FTCDNL1: variants seen among roughly 807,000 people sequenced by gnomAD.
FTCDNL1 encodes the protein formiminotransferase N-terminal subdomain-containing protein.
FTCDNL1 carries 11 observed loss-of-function variants against 5.9 expected under a neutral mutation model. That is an observed-to-expected ratio of 1.87 (90% CI 1.18 to 3.10). FTCDNL1 has a LOEUF of 3.10. Ranked by LOEUF, FTCDNL1 falls within the 30% of genes most tolerant of loss-of-function variation. FTCDNL1 has a pLI of 0.00. For synonymous variants in FTCDNL1, 58 were observed against 24.8 expected, an observed-to-expected ratio of 2.34 and a Z score of -3.99; for missense variants, 115 against 65.5, an observed-to-expected ratio of 1.76 and a Z score of -2.61.
At chr2:199,675,368 A>G in the FTCDNL1 span, among the ~76,000 whole-genome samples, 1 of 152,186 alleles carries the variant, frequency 6.6e-6, no homozygotes, top group Admixed American at 6.5e-5. Context: ...ATCATAGTAT[A>G]TAAGATATTA....
At chr2:199,768,873 G>C (rs529824477) in intron 3 of FTCDNL1, among the ~76,000 whole-genome samples, 2 of 152,106 alleles carry the variant, frequency 1.3e-5, no homozygotes, top group African/African-American at 4.8e-5. Context: ...ATTTAAGTTT[G>C]TCTCTCCACA....
chr2:199,713,634 A>T, the FTCDNL1 span, among the ~76,000 whole-genome samples: 5 of 152,240 alleles, frequency 3.3e-5, no homozygotes, highest in Non-Finnish European at 5.9e-5. Flanking sequence ...AATCATTGTC[A>T]ATTGTTAGTG....
chr2:199,775,335 CCA>C (rs1699005953), intron 3 of FTCDNL1, among the ~76,000 whole-genome samples: 1 of 152,170 alleles, frequency 6.6e-6, no homozygotes, highest in Admixed American at 6.6e-5. Context: ...AGCCAATCCC[CCA>C]CAGACTTCTT....
At chr2:199,683,836 T>C in the FTCDNL1 span, among the ~76,000 whole-genome samples, 1 of 152,180 alleles carries the variant, frequency 6.6e-6, no homozygotes, top group East Asian at 1.9e-4. Context: ...TCACCTTGTC[T>C]ATGTCAGTTT....
In FTCDNL1 at chr2:199,824,540, T is replaced by C. The variant is rs547607768; in HGVS notation, c.212-4783A>G. ...GGCACAAGAGGCCTAGCTATTGACC[T>C]ATCTCAGCTTTCAACATGCCTTCTT... On this transcript the variant is annotated intron_variant, in intron 3 of 4. Coordinates refer to ENST00000420128, the MANE Select transcript of FTCDNL1 (RefSeq NM_001363886.2). Among the ~76,000 whole-genome samples the C allele has an allele frequency of 3.3e-5, 5 of 152,348 alleles. No individual in the cohort carries two copies. In the East Asian group the frequency reaches 9.6e-4, roughly 29 times the overall value.
intron 3 of FTCDNL1, among the ~76,000 whole-genome samples, chr2:199,841,544 T>C (rs923695879): frequency 3.9e-5 from 6 of 152,190 alleles, no homozygotes; most frequent in African/African-American, 1.4e-4. Flanking sequence ...TTTGGACCAA[T>C]AGTTAGTGGT....
At chr2:199,836,138 T>C (rs1702720017) in intron 3 of FTCDNL1, among the ~76,000 whole-genome samples, 1 of 152,126 alleles carries the variant, frequency 6.6e-6, no homozygotes, top group Non-Finnish European at 1.5e-5. Flanking sequence ...TATAAGACAT[T>C]TATTCTTGTT....
chr2:199,819,035 T>A (rs1701522046), intron 4 of FTCDNL1: 1 of 152,648 alleles, frequency 6.6e-6, no homozygotes, highest in African/African-American at 2.4e-5. Flanking sequence ...ATAGTTTCTT[T>A]TTCCAGTCTT....
chr2:199,806,479 TG>T (rs1406886719), downstream of FTCDNL1, among the ~76,000 whole-genome samples: 1 of 152,176 alleles, frequency 6.6e-6, no homozygotes, highest in Non-Finnish European at 1.5e-5. Context: ...GAAACAAAAC[TG>T]TATATCAAGC....
At chr2:199,706,454 A>C in the FTCDNL1 span, among the ~76,000 whole-genome samples, 1 of 152,202 alleles carries the variant, frequency 6.6e-6, no homozygotes, top group Non-Finnish European at 1.5e-5. Flanking sequence ...TGCTGGTTCA[A>C]GGTAGGCCAA....
the FTCDNL1 span, among the ~76,000 whole-genome samples, chr2:199,682,162 G>C: frequency 2.6e-5 from 4 of 152,162 alleles, 1 homozygote; most frequent in Admixed American, 2.6e-4. Context: ...AGTGGACTTA[G>C]AGCAAAGCAG....
chr2:199,797,180 T>C (rs1237764518), intron 3 of FTCDNL1, among the ~76,000 whole-genome samples: 1 of 152,214 alleles, frequency 6.6e-6, no homozygotes, highest in Non-Finnish European at 1.5e-5. Context: ...ACACTTTCAA[T>C]TTCATTTTCA....
intron 3 of FTCDNL1, among the ~76,000 whole-genome samples, chr2:199,839,375 G>T (rs1195652890): frequency 1.3e-5 from 2 of 152,170 alleles, no homozygotes. Flanking sequence ...GGAAGGCTGG[G>T]ACAGCAAGTA....
At chr2:199,720,081 A>G in the FTCDNL1 span, among the ~76,000 whole-genome samples, 2 of 152,150 alleles carry the variant, frequency 1.3e-5, no homozygotes, top group African/African-American at 4.8e-5. Flanking sequence ...TGGTGTATAG[A>G]AATGCTATTG....
At chr2:199,805,494 T>C (rs1700675030), downstream of FTCDNL1, among the ~76,000 whole-genome samples, 1 of 152,146 alleles carries the variant, frequency 6.6e-6, no homozygotes, top group African/African-American at 2.4e-5. Flanking sequence ...ATCCCAGTAC[T>C]TTGGGAGGCC....
chr2:199,786,064 T>C (rs979726033), intron 3 of FTCDNL1, among the ~76,000 whole-genome samples: 1 of 152,150 alleles, frequency 6.6e-6, no homozygotes, highest in African/African-American at 2.4e-5. Flanking sequence ...GCTCAGGCAG[T>C]AATGCTCGGC....
At chr2:199,707,048 C>G in the FTCDNL1 span, among the ~76,000 whole-genome samples, 523 of 152,326 alleles carry the variant, frequency 3.4e-3, 2 homozygotes, top group African/African-American at 0.012. Context: ...TTATGATGAA[C>G]TACTGCTGGG....
chr2:199,673,634 T>C, the FTCDNL1 span, among the ~76,000 whole-genome samples: 8 of 152,302 alleles, frequency 5.3e-5, no homozygotes, highest in African/African-American at 1.4e-4. Flanking sequence ...GTTGAATTTA[T>C]AATTCCATGT....
chr2:199,673,679 T>G, the FTCDNL1 span, among the ~76,000 whole-genome samples: 1 of 152,164 alleles, frequency 6.6e-6, no homozygotes. Context: ...AACAAGACAT[T>G]GAGATGAAAT....
Sources: allele counts gnomAD v4.1 joint callset (sites outside exome capture counted in the v4.1 genomes callset), GRCh38; gene constraint gnomAD v4.1.1; transcripts MANE v1.5; gene names NCBI Gene and HGNC (gene_info 2026-07-23, HGNC 2026-07-21).